OSGEPL1: variants seen among roughly 807,000 people sequenced by gnomAD.
OSGEPL1 encodes the protein O-sialoglycoprotein endopeptidase like 1.
OSGEPL1 carries 26 observed loss-of-function variants against 37.2 expected under a neutral mutation model. The observed-to-expected ratio is 0.70, with a 90% CI of 0.51 to 0.97. OSGEPL1 has a LOEUF of 0.97. Among genes scored for constraint, OSGEPL1 ranks in the 50% least tolerant of loss-of-function variants. The probability of loss-of-function intolerance (pLI) is 0.00; values close to 1 mark genes in which losing one functional copy is unlikely to be tolerated. For missense variants in OSGEPL1, 404 were observed against 487.0 expected, an observed-to-expected ratio of 0.83 and a Z score of 1.60; for synonymous variants, 140 against 159.9, an observed-to-expected ratio of 0.88 and a Z score of 0.94.
chr2:189,758,027 G>C (rs1315611566), intron 2 of OSGEPL1, among the ~76,000 whole-genome samples: 3 of 152,146 alleles, frequency 2.0e-5, no homozygotes, highest in Non-Finnish European at 4.4e-5. Flanking sequence ...TACATCATGG[G>C]GGCGTATTTT....
At position 189,754,333 on chromosome 2, in the gene OSGEPL1, G is replaced by A; in HGVS notation, c.622C>T (p.Leu208Phe). The change falls in exon 4 of 9, where the codon CTT becomes TTT. Residue 208 changes from leucine (L) to phenylalanine (F), a missense_variant. Transcript: ENST00000264151. The part of the protein sequence containing the change: ...GDMLDKVARR[L>F]SLIKHPECST... ...CACTCTGGATGTTTTATTAAAGAAA[G>A]TCTTCTTGCCACCTATCAAAGAAAC... is the stretch of plus-strand genomic sequence containing the variant. The A allele has an allele frequency of 6.2e-7, 1 of 1,604,344 alleles. No individual in the cohort carries two copies. The highest frequency in any genetic ancestry group is 8.5e-7 in the Non-Finnish European group (1 of 1,175,120).
intron 2 of OSGEPL1, among the ~76,000 whole-genome samples, chr2:189,757,205 C>T (rs2046208445): frequency 6.6e-6 from 1 of 152,144 alleles, no homozygotes; most frequent in African/African-American, 2.4e-5. Flanking sequence ...AGGGATTGAA[C>T]TCAGTCAGTG....
At chr2:189,755,041 T>C (rs900622477) in intron 3 of OSGEPL1, 132 bp downstream of exon 3, 6 of 1,042,008 alleles carry the variant, frequency 5.8e-6, no homozygotes, top group East Asian at 2.6e-5. Flanking sequence ...TTTCTCACCA[T>C]ATGTGAATTT....
chr2:189,751,075 T>G (rs1041733244), intron 7 of OSGEPL1, among the ~76,000 whole-genome samples: 1 of 152,228 alleles, frequency 6.6e-6, no homozygotes, highest in Non-Finnish European at 1.5e-5. Flanking sequence ...CTCTGAAGTT[T>G]CAAAAGCTGC....
At chr2:189,751,444 G>GTTTTT (rs779920289) in intron 7 of OSGEPL1, among the ~76,000 whole-genome samples, 2 of 126,146 alleles carry the variant, frequency 1.6e-5, no homozygotes, top group Non-Finnish European at 1.6e-5. Context: ...GACAAGTTGT[G>GTTTTT]TTTTTTTTTT....
Position 189,752,926 on chromosome 2 carries a change from A to C in OSGEPL1, c.1017T>G (p.Ile339Met), listed in dbSNP as rs1485964722. 1 of 1,613,736 alleles carries C rather than the reference A, an allele frequency of 6.2e-7. No homozygotes were observed. Among genetic ancestry groups the C allele is most frequent in the Non-Finnish European group, 8.5e-7 (1 of 1,179,798 alleles). The change falls in exon 6 of 9, where the codon ATT becomes ATG. Residue 339 changes from isoleucine to methionine, a missense_variant. Ile to Met is a conservative substitution (Grantham distance 10). Coordinates refer to ENST00000264151, the MANE Select transcript of OSGEPL1 (RefSeq NM_022353.3). ...AAGTGCACTGTGTTGCATTTGTTAA[A>C]ATTTCCAGAGCTCTGCGGATATAGA... is the stretch of plus-strand genomic sequence containing the variant. Reference protein sequence around the residue: ...SNFYIRRALEILTNATQCTLL... With the variant: ...SNFYIRRALEMLTNATQCTLL...
upstream of OSGEPL1, chr2:189,763,048 T>TC (rs2047352038): frequency 1.2e-5 from 11 of 952,224 alleles, no homozygotes; most frequent in Non-Finnish European, 1.4e-5. Context: ...TAAAAAGAAA[T>TC]TTTTTTTTTG....
At chr2:189,760,292 G>A (rs1213013008) in intron 2 of OSGEPL1, among the ~76,000 whole-genome samples, 8 of 152,142 alleles carry the variant, frequency 5.3e-5, no homozygotes, top group African/African-American at 1.7e-4. Flanking sequence ...AGACGGGGTG[G>A]CAGCCGGGCA....
intron 3 of OSGEPL1, chr2:189,754,858 T>G: frequency 3.0e-6 from 1 of 328,946 alleles, no homozygotes; most frequent in Non-Finnish European, 5.5e-6. Flanking sequence ...TCTCTTATTT[T>G]ACCTTTTTTG....
At chr2:189,761,795 G>A in intron 1 of OSGEPL1, 135 bp from the exon 2 acceptor site, 1 of 804,504 alleles carries the variant, frequency 1.2e-6, no homozygotes. Context: ...TAGCAACATG[G>A]GAATATAAAT....
chr2:189,761,799 T>A, intron 1 of OSGEPL1, 139 bp from the exon 2 acceptor site: 1 of 770,832 alleles, frequency 1.3e-6, no homozygotes, highest in Admixed American at 3.9e-5. Flanking sequence ...AACATGGGAA[T>A]ATAAATAATA....
In OSGEPL1 at chr2:189,752,876, C is replaced by T; in HGVS notation, c.1067G>A (p.Cys356Tyr). 1 of 1,613,772 alleles carries T rather than the reference C, an allele frequency of 6.2e-7. No homozygotes were observed. Residue 356 changes from cysteine (C) to tyrosine (Y), a missense_variant, in exon 6 of 9, where the codon TGC (cysteine) becomes TAC (tyrosine). By Grantham distance (194) the Cys-to-Tyr change is radical. Coordinates refer to ENST00000264151, the MANE Select transcript of OSGEPL1 (RefSeq NM_022353.3). ...CTLLCPPPRL[C>Y]TDNGIMIAWN... ...TGCAATCATAATGCCATTATCAGTGCATAGTCTGGGAGGAGGACACAACAA... is the reference window on the plus strand; with the variant it reads ...TGCAATCATAATGCCATTATCAGTGTATAGTCTGGGAGGAGGACACAACAA...
chr2:189,753,185 A>AT (rs1376094643), intron 5 of OSGEPL1: 1 of 331,396 alleles, frequency 3.0e-6, no homozygotes, highest in East Asian at 5.0e-5. Flanking sequence ...CATTACTAGC[A>AT]TTTTTGTATA....
intron 2 of OSGEPL1, among the ~76,000 whole-genome samples, chr2:189,760,017 T>A (rs2046757251): frequency 6.6e-6 from 1 of 152,214 alleles, no homozygotes; most frequent in Admixed American, 6.5e-5. Flanking sequence ...TGCACCGCCC[T>A]TAATCCATTT....
intron 7 of OSGEPL1, among the ~76,000 whole-genome samples, chr2:189,752,103 C>T (rs1386590907): frequency 6.6e-6 from 1 of 151,650 alleles, no homozygotes; most frequent in Non-Finnish European, 1.5e-5. Context: ...GAGAATGCGC[C>T]ACTGCACTCT....
intron 3 of OSGEPL1, 194 bp from the exon 4 acceptor site, chr2:189,754,539 C>A (rs1161374881): frequency 7.3e-6 from 4 of 545,302 alleles, no homozygotes; most frequent in Non-Finnish European, 1.3e-5. Context: ...ATGACCCGAA[C>A]AATAAGAGGC....
chr2:189,755,024 T>G, intron 3 of OSGEPL1, 149 bp downstream of exon 3: 1 of 871,012 alleles, frequency 1.1e-6, no homozygotes, highest in South Asian at 1.9e-5. Context: ...TACTACTCTT[T>G]CTATTTTTTC....
chr2:189,749,528 C>T (rs913479274), intron 8 of OSGEPL1, among the ~76,000 whole-genome samples: 11 of 151,434 alleles, frequency 7.3e-5, no homozygotes, highest in Non-Finnish European at 1.3e-4. Context: ...ATAATATTTG[C>T]AGTACAAAGT....
intron 2 of OSGEPL1, among the ~76,000 whole-genome samples, chr2:189,760,516 G>A (rs1056472191): frequency 6.6e-6 from 1 of 152,202 alleles, no homozygotes; most frequent in Non-Finnish European, 1.5e-5. Context: ...TTTCCAGCCC[G>A]GCGCGGTGTC....
Sources: allele counts gnomAD v4.1 joint callset (sites outside exome capture counted in the v4.1 genomes callset), GRCh38; gene constraint gnomAD v4.1.1; transcripts MANE v1.5; gene names NCBI Gene and HGNC (gene_info 2026-07-23, HGNC 2026-07-21).